ATP10B: variants seen among roughly 807,000 people sequenced by gnomAD.
The protein encoded by ATP10B is ATPase phospholipid transporting 10B (putative).
A neutral mutation model predicts 141.2 loss-of-function variants in ATP10B; 122 were observed. The observed-to-expected ratio is 0.86, with a 90% CI of 0.75 to 1.00. The LOEUF is 1.00. Ranked by LOEUF, ATP10B falls within the 50% of genes least tolerant of loss-of-function variation. The pLI is 0.00. For synonymous variants in ATP10B, 685 were observed against 692.0 expected (o/e 0.99, Z 0.16); for missense variants, 1,876 against 1,825.3 (o/e 1.03, Z -0.51).
chr5:160,571,209 T>C (rs1754855364), intron 24 of ATP10B, among the ~76,000 whole-genome samples: 2 of 152,180 alleles, frequency 1.3e-5, no homozygotes, highest in South Asian at 4.1e-4. Context: ...GTCAGACCAC[T>C]TAAAATATCA....
intron 12 of ATP10B, chr5:160,633,763 G>A (rs1430888792): frequency 3.8e-5 from 6 of 157,504 alleles, no homozygotes; most frequent in African/African-American, 1.5e-4. Flanking sequence ...GGGTGGGGAG[G>A]GGAACGAAGT....
At chr5:160,593,111 C>T (rs1177026664) in intron 22 of ATP10B, among the ~76,000 whole-genome samples, 1 of 152,256 alleles carries the variant, frequency 6.6e-6, no homozygotes, top group Non-Finnish European at 1.5e-5. Context: ...CAGACTGCCT[C>T]CTCAAGTGGG....
At position 160,612,869 on chromosome 5, in the gene ATP10B, G is replaced by T. The variant is rs1170889667; in HGVS notation, c.2710C>A (p.Leu904Met). Reference protein sequence around the residue: ...QEGVPDTIATLREAGIQLWVL... With the variant: ...QEGVPDTIATMREAGIQLWVL... ...CAGAGCTGGATCCCAGCCTCCCGCA[G>T]AGTGGCAATCGTATCTGGAACTCCT... Residue 904 changes from leucine to methionine, a missense_variant, in exon 18 of 26, where the codon CTG (leucine) becomes ATG (methionine). Coordinates refer to ENST00000327245, the MANE Select transcript of ATP10B (RefSeq NM_025153.3). 1.9e-6 allele frequency: 3 copies of T among 1,613,932 alleles called. No homozygotes were observed. Among genetic ancestry groups the T allele is most frequent in the Non-Finnish European group, 2.5e-6 (3 of 1,179,980 alleles).
At chr5:160,884,457 A>G in the ATP10B span, among the ~76,000 whole-genome samples, 1 of 152,190 alleles carries the variant, frequency 6.6e-6, no homozygotes, top group Non-Finnish European at 1.5e-5. Flanking sequence ...TTATGTCTAT[A>G]GTGATAATTT....
At position 160,606,995 on chromosome 5, in the gene ATP10B, C is replaced by A. The variant is rs375571186; in HGVS notation, c.2930G>T (p.Arg977Leu). Residue 977 changes from arginine (R) to leucine (L), a missense_variant, in exon 19 of 26, where the codon CGC becomes CTC. Transcript: ENST00000327245. ...GATGGATGGTGTCTTGGAAGGTAAG[C>A]GGAATCCAAAGAGCTTGCGGTCTGG... ...QKPDRKLFGF[R>L]LPSKTPSITS... The A allele has an allele frequency of 6.2e-7, 1 of 1,614,096 alleles. No homozygotes were observed. Among genetic ancestry groups the A allele is most frequent in the South Asian group, 1.1e-5 (1 of 91,084 alleles).
At chr5:160,673,437 T>A (rs1209861714) in intron 6 of ATP10B, among the ~76,000 whole-genome samples, 1 of 152,240 alleles carries the variant, frequency 6.6e-6, no homozygotes, top group African/African-American at 2.4e-5. Context: ...CCAATTGTAC[T>A]CATTTAGTTA....
At chr5:160,696,350 C>A (rs1407124588) in intron 3 of ATP10B, among the ~76,000 whole-genome samples, 1 of 152,138 alleles carries the variant, frequency 6.6e-6, no homozygotes, top group South Asian at 2.1e-4. Context: ...CTCAGGTGAT[C>A]CACCCACCTC....
At chr5:160,832,129 C>T (rs1775124210) in intron 1 of ATP10B, among the ~76,000 whole-genome samples, 1 of 152,026 alleles carries the variant, frequency 6.6e-6, no homozygotes, top group Non-Finnish European at 1.5e-5. Context: ...CATAATAATG[C>T]CACAGAGCAG....
rs531047986 is a variant in ATP10B at position 160,736,589 on chromosome 5, G to A, written c.-330-19555C>T. On this transcript the variant is annotated intron_variant, in intron 2 of 25. Transcript: ENST00000327245. ...AGCCTGACCAATATGGTGAAACCCC[G>A]TCTCTACTAAAAATACAAAAATTAG... is the stretch of plus-strand genomic sequence containing the variant. Among the ~76,000 whole-genome samples, 3 of 152,188 alleles carry A rather than the reference G, an allele frequency of 2.0e-5. No homozygotes were observed. In the East Asian group the frequency reaches 5.8e-4, roughly 29 times the overall value.
At chr5:160,652,889 T>TTATATAATATATTATATATACATATA (rs1760909607) in intron 7 of ATP10B, among the ~76,000 whole-genome samples, 4 of 32,408 alleles carry the variant, frequency 1.2e-4, no homozygotes, top group Admixed American at 4.7e-4. Context: ...ATATATATAA[T>TTATATAATATATTATATATACATATA]TATATAATAT....
chr5:160,659,867 G>A (rs576705587), intron 7 of ATP10B, among the ~76,000 whole-genome samples: 15 of 152,152 alleles, frequency 9.9e-5, no homozygotes, highest in African/African-American at 2.4e-4. Context: ...AATATTTCCC[G>A]CAATGGGATA....
the ATP10B span, among the ~76,000 whole-genome samples, chr5:160,907,958 A>T: frequency 3.9e-5 from 6 of 152,144 alleles, no homozygotes; most frequent in Admixed American, 3.9e-4. Flanking sequence ...GTGATCTTGA[A>T]GAGCTTGGAG....
At chr5:160,596,400 A>G (rs1010141818) in intron 22 of ATP10B, among the ~76,000 whole-genome samples, 1 of 145,262 alleles carries the variant, frequency 6.9e-6, no homozygotes, top group African/African-American at 2.6e-5. Flanking sequence ...TTTCAAAATA[A>G]TAAGAGCTAT....
chr5:160,905,542 G>A, the ATP10B span, among the ~76,000 whole-genome samples: 288 of 152,270 alleles, frequency 1.9e-3, 1 homozygote, highest in Non-Finnish European at 2.7e-3. Context: ...GAAACTGTAT[G>A]TGACATATTT....
At chr5:160,755,840 T>A (rs6889038) in intron 2 of ATP10B, among the ~76,000 whole-genome samples, 123 of 31,952 alleles carry the variant, frequency 3.8e-3, no homozygotes, top group East Asian at 7.4e-3. Flanking sequence ...AAAAAAAAAA[T>A]ATATATATAT....
At chr5:160,791,779 TAAG>T (rs975508583) in intron 1 of ATP10B, among the ~76,000 whole-genome samples, 11 of 152,128 alleles carry the variant, frequency 7.2e-5, no homozygotes, top group Non-Finnish European at 1.3e-4. Context: ...TATAGAAGGC[TAAG>T]GAGGACAATA....
chr5:160,760,758 T>A (rs916721184), intron 2 of ATP10B, among the ~76,000 whole-genome samples: 7 of 152,060 alleles, frequency 4.6e-5, no homozygotes, highest in African/African-American at 1.7e-4. Context: ...TTCCCCCACT[T>A]CCCTGGAGAC....
chr5:160,835,419 G>C (rs1775360174), intron 1 of ATP10B, among the ~76,000 whole-genome samples: 1 of 152,092 alleles, frequency 6.6e-6, no homozygotes, highest in African/African-American at 2.4e-5. Flanking sequence ...AATGGAAAGA[G>C]GAGCATATGG....
chr5:160,863,037 T>C, the ATP10B span, among the ~76,000 whole-genome samples: 1 of 151,986 alleles, frequency 6.6e-6, no homozygotes, highest in Admixed American at 6.6e-5. Context: ...CCTCTAAATA[T>C]ATGAGATGAT....
Sources: gnomAD v4.1 joint callset for allele counts (sites outside exome capture counted in the v4.1 genomes callset) on GRCh38, gnomAD v4.1.1 for gene constraint, MANE v1.5 for transcripts, NCBI Gene and HGNC (gene_info 2026-07-23, HGNC 2026-07-21) for gene names.